Variants in CRYBA2 observed in about 807,000 individuals in gnomAD.
The protein encoded by CRYBA2 is crystallin beta A2.
CRYBA2 carries 17 observed loss-of-function variants against 18.5 expected under a neutral mutation model. The observed-to-expected ratio is 0.92, with a 90% CI of 0.63 to 1.38. CRYBA2 has a LOEUF of 1.38. Ranked by LOEUF, CRYBA2 falls within the 40% of genes most tolerant of loss-of-function variation. The pLI, the probability that CRYBA2 is intolerant of heterozygous loss-of-function variation, is 0.00. For synonymous variants in CRYBA2, 101 were observed against 106.2 expected (o/e 0.95, Z 0.30); for missense variants, 271 against 265.0 (o/e 1.02, Z -0.16).
In CRYBA2 at chr2:218,993,234, G is replaced by A; in HGVS notation, c.-58C>T. ...CTCAGCGTCTCAAGAGCCCCGTTTC[G>A]AGCCACACACAGCCTGCCCAACCTG... On this transcript the variant is annotated 5_prime_UTR_variant, in exon 1 of 4. Transcript: ENST00000295728. This position sits in a 1 kb window ranked among gnomAD's most constrained non-coding sequence, Gnocchi z 7.7. 1 of 1,516,932 alleles carries A rather than the reference G, an allele frequency of 6.6e-7. No homozygotes were observed. Among genetic ancestry groups the A allele is most frequent in the Non-Finnish European group, 8.9e-7 (1 of 1,127,924 alleles). 94.0% of individuals were successfully genotyped at this position (1,516,932 alleles called of 1,614,324 possible).
In CRYBA2 at chr2:218,993,326, A is replaced by C; in HGVS notation, c.-150T>G. The C allele has an allele frequency of 1.4e-6, 1 of 707,670 alleles. No homozygotes were observed. Among genetic ancestry groups the C allele is most frequent in the Non-Finnish European group, 2.3e-6 (1 of 443,096 alleles). The allele number at this position is 707,670 out of a possible 1,614,324, so 43.8% of individuals were successfully genotyped here. ...CTGGACCCGGCTGCCAGGGGCTCGC[A>C]GTCTTCCCGCGCTCCCCTCCCTTCC... On this transcript the variant is annotated 5_prime_UTR_variant, in exon 1 of 4. Coordinates refer to ENST00000295728, the MANE Select transcript of CRYBA2 (RefSeq NM_057093.2). This position sits in a 1 kb window ranked among gnomAD's most constrained non-coding sequence, Gnocchi z 7.7.
In CRYBA2 at chr2:218,990,244, C is replaced by A. The variant is rs184853949; in HGVS notation, c.*8G>T. 1 of 1,614,070 alleles carries A rather than the reference C, an allele frequency of 6.2e-7. No individual in the cohort carries two copies. Among genetic ancestry groups the A allele is most frequent in the East Asian group, 2.2e-5 (1 of 44,886 alleles). On this transcript the variant is annotated 3_prime_UTR_variant, in exon 4 of 4. Transcript: ENST00000295728. ...TGTCCTCAGGGAAGGTGTCTGGGGC[C>A]GTGGAGCCTAGTGCTGGACTCTCCG...
In CRYBA2 at chr2:218,993,221, A is replaced by C. The variant is rs1945520881; in HGVS notation, c.-45T>G. The C allele has an allele frequency of 6.5e-7, 1 of 1,542,802 alleles. No individual in the cohort carries two copies. Among genetic ancestry groups the C allele is most frequent in the Admixed American group, 2.0e-5 (1 of 48,952 alleles). ...GTGGCACCACGCGCTCAGCGTCTCA[A>C]GAGCCCCGTTTCGAGCCACACACAG... On this transcript the variant is annotated 5_prime_UTR_variant, in exon 1 of 4. Coordinates refer to ENST00000295728, the MANE Select transcript of CRYBA2 (RefSeq NM_057093.2). The surrounding 1 kb of genome is among the most constrained non-coding windows in gnomAD (Gnocchi z 7.7).
At position 218,993,243 on chromosome 2, in the gene CRYBA2, A is replaced by G; in HGVS notation, c.-67T>C. ...TCAAGAGCCCCGTTTCGAGCCACAC[A>G]CAGCCTGCCCAACCTGGGTAGCGGA... On this transcript the variant is annotated 5_prime_UTR_variant, in exon 1 of 4. Transcript: ENST00000295728. The surrounding 1 kb of genome is among the most constrained non-coding windows in gnomAD (Gnocchi z 7.7). 1 of 1,479,758 alleles carries G rather than the reference A, an allele frequency of 6.8e-7. No homozygotes were observed. The highest frequency in any genetic ancestry group is 9.1e-7 in the Non-Finnish European group (1 of 1,100,138). The allele number at this position is 1,479,758 out of a possible 1,614,324, so 91.7% of individuals were successfully genotyped here.
intron 2 of CRYBA2, chr2:218,991,399 G>A (rs755799046): frequency 7.1e-5 from 12 of 169,984 alleles, no homozygotes; most frequent in South Asian, 1.7e-4. Context: ...CAGCCCCTTC[G>A]CACAGCCTCT....
chr2:218,993,080 A>G lies in CRYBA2; in HGVS notation c.97T>C (p.Cys33Arg). ...QGRRCRLLSD[C>R]ANVCERGGLP... ...CCTCCGCGCTCGCAGACGTTCGCAC[A>G]GTCGCTTAGCAGCCGACAGCGACGG... The change falls in exon 1 of 4, where the codon TGT becomes CGT. Residue 33 changes from cysteine (C) to arginine (R), a missense_variant. Cys to Arg is a radical substitution (Grantham distance 180). Coordinates refer to ENST00000295728, the MANE Select transcript of CRYBA2 (RefSeq NM_057093.2). The surrounding 1 kb of genome is among the most constrained non-coding windows in gnomAD (Gnocchi z 7.7). 1 of 1,611,814 alleles carries G rather than the reference A, an allele frequency of 6.2e-7. No homozygotes were observed. Among genetic ancestry groups the G allele is most frequent in the Non-Finnish European group, 8.5e-7 (1 of 1,179,314 alleles).
At chr2:218,991,923 C>A in intron 2 of CRYBA2, 179 bp downstream of exon 2, 1 of 624,190 alleles carries the variant, frequency 1.6e-6, no homozygotes, top group Non-Finnish European at 2.7e-6. Context: ...CGGGCCTACG[C>A]CCACAATCCC....
At position 218,993,172 on chromosome 2, in the gene CRYBA2, C is replaced by T; in HGVS notation, c.5G>A (p.Ser2Asn). The change falls in exon 1 of 4, where the codon AGC becomes AAC. Residue 2 changes from serine to asparagine, a missense_variant. By Grantham distance (46) the Ser-to-Asn change is conservative. Transcript: ENST00000295728. This position sits in a 1 kb window ranked among gnomAD's most constrained non-coding sequence, Gnocchi z 7.7. M[S>N]SAPAPGPAPA... is the part of the protein sequence containing the mutation. ...CGCCGGGCCCGGCGCGGGGGCGCTGCTCATGCCGCTGCGGACAGGAAGGGT... is the reference window on the plus strand; with the variant it reads ...CGCCGGGCCCGGCGCGGGGGCGCTGTTCATGCCGCTGCGGACAGGAAGGGT... 1 of 1,595,982 alleles carries T rather than the reference C, an allele frequency of 6.3e-7. No homozygotes were observed. Among genetic ancestry groups the T allele is most frequent in the African/African-American group, 1.3e-5 (1 of 74,286 alleles).
At chr2:218,992,336 CA>C in intron 1 of CRYBA2, 93 bp from the exon 2 acceptor site, 1 of 1,363,496 alleles carries the variant, frequency 7.3e-7, no homozygotes, top group Non-Finnish European at 1.0e-6. Context: ...CTGAGAAGCA[CA>C]ATGTTTTTCT....
Position 218,990,225 on chromosome 2 carries a change from C to T in CRYBA2, c.*27G>A, listed in dbSNP as rs1320299379. 1.9e-6 allele frequency: 3 copies of T among 1,613,604 alleles called. No individual in the cohort carries two copies. Among genetic ancestry groups the T allele is most frequent in the South Asian group, 2.2e-5 (2 of 91,070 alleles). ...TTCAGGAACCTTTATTGAGTGTCCT[C>T]AGGGAAGGTGTCTGGGGCCGTGGAG... On this transcript the variant is annotated 3_prime_UTR_variant, in exon 4 of 4. Coordinates refer to ENST00000295728, the MANE Select transcript of CRYBA2 (RefSeq NM_057093.2).
rs1178283715 is a variant in CRYBA2, at chr2:218,992,139, C to T, written c.266G>A (p.Ser89Asn). The T allele has an allele frequency of 6.2e-7, 1 of 1,611,224 alleles. No individual in the cohort carries two copies. Among genetic ancestry groups the T allele is most frequent in the South Asian group, 1.1e-5 (1 of 91,074 alleles). ...SAWSGSSSHN[S>N]NQLLSFRPVL... Reference sequence around the variant, plus strand: ...TGGCCGGAAGGACAGCAGCTGGTTGCTGTTGTGGCTGCTGCTGCCACTCCA... The same window carrying T: ...TGGCCGGAAGGACAGCAGCTGGTTGTTGTTGTGGCTGCTGCTGCCACTCCA... The change falls in exon 2 of 4, where the codon AGC (serine) becomes AAC (asparagine). Residue 89 changes from serine (S) to asparagine (N), a missense_variant. By Grantham distance (46) the Ser-to-Asn change is conservative (BLOSUM62 1). Coordinates refer to ENST00000295728, the MANE Select transcript of CRYBA2 (RefSeq NM_057093.2).
chr2:218,991,826 A>G (rs1945500521), intron 2 of CRYBA2: 1 of 432,422 alleles, frequency 2.3e-6, no homozygotes, highest in African/African-American at 2.0e-5. Flanking sequence ...ACTCACTCAC[A>G]CGTGTGGACG....
chr2:218,993,173 T>C lies in CRYBA2; in HGVS notation c.4A>G (p.Ser2Gly), dbSNP rs1266876433. The C allele has an allele frequency of 1.3e-6, 2 of 1,586,654 alleles. No homozygotes were observed. The highest frequency in any genetic ancestry group is 3.5e-5 in the Admixed American group (2 of 57,386). Residue 2 changes from serine to glycine, a missense_variant, in exon 1 of 4, where the codon AGC becomes GGC. Physicochemically the swap from Ser to Gly is moderately conservative, Grantham distance 56. Transcript: ENST00000295728. This position sits in a 1 kb window ranked among gnomAD's most constrained non-coding sequence, Gnocchi z 7.7. Reference protein sequence around the residue: MSSAPAPGPAPA... With the variant: MGSAPAPGPAPA... ...GCCGGGCCCGGCGCGGGGGCGCTGC[T>C]CATGCCGCTGCGGACAGGAAGGGTG...
At position 218,990,313 on chromosome 2, in the gene CRYBA2, C is replaced by CCTTA; in HGVS notation, c.532_533insTAAG (p.Gly178ValfsTer3). On this transcript the variant is annotated frameshift_variant, in exon 4 of 4. Coordinates refer to ENST00000295728, the MANE Select transcript of CRYBA2 (RefSeq NM_057093.2). LOFTEE classifies it high-confidence loss of function. ...AGTGTGGGCCTGTGTGCCGAGCTCA[C>CCTTA]CGTAAGTACAGAACTCTCCGCTGTG... is the stretch of plus-strand genomic sequence containing the variant. 1 of 1,614,152 alleles carries CCTTA rather than the reference C, an allele frequency of 6.2e-7. No individual in the cohort carries two copies. Among genetic ancestry groups the CCTTA allele is most frequent in the Non-Finnish European group, 8.5e-7 (1 of 1,180,012 alleles).
At chr2:218,992,075 AG>A in intron 2 of CRYBA2, 26 bp downstream of exon 2, 1 of 1,597,630 alleles carries the variant, frequency 6.3e-7, no homozygotes, top group South Asian at 1.1e-5. Flanking sequence ...GCTAGGAGGC[AG>A]GGGAGGAGAA....
Position 218,990,414 on chromosome 2 carries a change from G to T in CRYBA2, c.447-15C>A. ...AGGCCACCCACCTAGGCCAGTGAGG[G>T]TACAGAGGCAGGGAGTAAGCTCTGC... On this transcript the variant is annotated splice_polypyrimidine_tract_variant and intron_variant, in intron 3 of 3. Coordinates refer to ENST00000295728, the MANE Select transcript of CRYBA2 (RefSeq NM_057093.2). 6.2e-7 allele frequency: 1 copy of T among 1,613,712 alleles called. No individual in the cohort carries two copies. The highest frequency in any genetic ancestry group is 8.5e-7 in the Non-Finnish European group (1 of 1,179,926).
intron 1 of CRYBA2, 74 bp downstream of exon 1, chr2:218,992,942 T>C (rs1945515287): frequency 1.6e-6 from 2 of 1,249,680 alleles, no homozygotes; most frequent in Admixed American, 2.1e-5. Context: ...GACAGGGGGC[T>C]GAGGCTCTGA....
chr2:218,991,865 A>G lies in CRYBA2; in HGVS notation c.303+237T>C. The G allele has an allele frequency of 1.2e-5, 6 of 503,414 alleles. No homozygotes were observed. The South Asian group carries it at 1.5e-4, about 12-fold the overall frequency. 31.2% of individuals were successfully genotyped at this position (503,414 alleles called of 1,614,324 possible). ...GAATGTGGGGGAACCCTGGGCACTC[A>G]GGACTGGGATGGCCTCAGCGCTGTC... On this transcript the variant is annotated intron_variant, in intron 2 of 3. Coordinates refer to ENST00000295728, the MANE Select transcript of CRYBA2 (RefSeq NM_057093.2).
rs927920471 is a variant in CRYBA2, at chr2:218,990,762, C to A, written c.446+90G>T. ...CAAGTCCCCAATATCTCTCTTAGCG[C>A]CCTCCCCACATCACTTTTCTCCACC... On this transcript the variant is annotated intron_variant, in intron 3 of 3. Coordinates refer to ENST00000295728, the MANE Select transcript of CRYBA2 (RefSeq NM_057093.2). 11 of 1,502,448 alleles carry A rather than the reference C, an allele frequency of 7.3e-6. No homozygotes were observed. In the African/African-American group the frequency reaches 8.3e-5, roughly 11 times the overall value. 93.1% of individuals were successfully genotyped at this position (1,502,448 alleles called of 1,614,324 possible).
Sources: allele counts gnomAD v4.1 joint callset, GRCh38; gene constraint gnomAD v4.1.1; non-coding constraint Gnocchi (gnomAD v3.1); transcripts MANE v1.5; gene names NCBI Gene and HGNC (gene_info 2026-07-23, HGNC 2026-07-21).